DMD: variants seen among roughly 807,000 people sequenced by gnomAD.
DMD encodes dystrophin.
In DMD, 63 loss-of-function variants were observed where a neutral mutation model predicts 330.1. The observed-to-expected ratio is 0.19, with a 90% CI of 0.16 to 0.24. The LOEUF is 0.24. Ranked by LOEUF, DMD falls within the 10% of genes least tolerant of loss-of-function variation. The pLI is 1.00. For synonymous variants in DMD, 1,223 were observed against 959.8 expected (o/e 1.27, Z -5.07); for missense variants, 3,344 against 2,684.1 (o/e 1.25, Z -5.43).
intron 44 of DMD, among the ~76,000 whole-genome samples, chrX:32,164,041 G>A (rs1005593946): frequency 2.7e-5 from 3 of 111,311 alleles, no homozygotes; most frequent in African/African-American, 9.8e-5. Flanking sequence ...CTGTTCAAAT[G>A]TCACCTCATA....
intron 12 of DMD, among the ~76,000 whole-genome samples, chrX:32,603,204 A>G: frequency 9.0e-6 from 1 of 111,642 alleles, no homozygotes; most frequent in East Asian, 2.8e-4. Flanking sequence ...AGAAATGAGT[A>G]CCAAGAAGAC....
At chrX:31,746,599 T>C (rs1217431536) in intron 51 of DMD, among the ~76,000 whole-genome samples, 1 of 111,669 alleles carries the variant, frequency 9.0e-6, no homozygotes, top group African/African-American at 3.2e-5. Context: ...TTAAGACATA[T>C]GTTATATAGA....
chrX:32,650,393 G>A (rs988074351), intron 9 of DMD, among the ~76,000 whole-genome samples: 1 of 111,367 alleles, frequency 9.0e-6, no homozygotes, highest in Non-Finnish European at 1.9e-5. Context: ...GTCAATGCAT[G>A]GATGGTGAAT....
intron 11 of DMD, among the ~76,000 whole-genome samples, chrX:32,623,205 G>A (rs940448809): frequency 8.9e-6 from 1 of 111,798 alleles, no homozygotes; most frequent in Non-Finnish European, 1.9e-5. Context: ...TGTGAAAAGA[G>A]CATCAGTAAA....
chrX:31,180,695 CAT>C (rs1165352891), intron 68 of DMD, among the ~76,000 whole-genome samples: 1 of 111,481 alleles, frequency 9.0e-6, no homozygotes, highest in East Asian at 2.8e-4. Context: ...ATCCTATAAA[CAT>C]ATGGAAGGAG....
intron 4 of DMD, among the ~76,000 whole-genome samples, chrX:32,829,609 ATT>A (rs2148888860): frequency 9.0e-6 from 1 of 111,032 alleles, no homozygotes; most frequent in African/African-American, 3.3e-5. Flanking sequence ...TACAATTTTT[ATT>A]TTTGTTTCTA....
At chrX:31,814,971 G>A (rs943912151) in intron 50 of DMD, among the ~76,000 whole-genome samples, 3 of 112,088 alleles carry the variant, frequency 2.7e-5, no homozygotes, top group African/African-American at 9.7e-5. Context: ...GGGGAGATGG[G>A]GAGTAGAGGT....
chrX:33,010,204 G>T (rs1420726428), intron 2 of DMD, among the ~76,000 whole-genome samples: 1 of 89,725 alleles, frequency 1.1e-5, no homozygotes, highest in African/African-American at 5.1e-5. Flanking sequence ...ATATGCATAT[G>T]TGTGTGTATA....
chrX:33,183,028 T>C (rs893527026), intron 1 of DMD, among the ~76,000 whole-genome samples: 2 of 112,128 alleles, frequency 1.8e-5, no homozygotes, highest in South Asian at 3.7e-4. Flanking sequence ...AATATGGAGA[T>C]GATTTTTTAT....
chrX:32,097,554 G>A (rs909125129), intron 44 of DMD, among the ~76,000 whole-genome samples: 2 of 111,293 alleles, frequency 1.8e-5, no homozygotes, highest in Non-Finnish European at 3.8e-5. Flanking sequence ...TTATCCTAAG[G>A]AAAAGTATAC....
intron 13 of DMD, among the ~76,000 whole-genome samples, chrX:32,582,923 T>C (rs770673130): frequency 9.0e-6 from 1 of 111,530 alleles, no homozygotes; most frequent in South Asian, 3.9e-4. Context: ...TTGTTAATGA[T>C]AGCACGCCTA....
chrX:33,104,607 ACT>A (rs1489329036), intron 1 of DMD, among the ~76,000 whole-genome samples: 2 of 107,279 alleles, frequency 1.9e-5, no homozygotes, highest in African/African-American at 6.9e-5. Flanking sequence ...CCCTTCGCTG[ACT>A]CTCTTTTCGG....
At chrX:31,567,041 T>G (rs1238141610) in intron 55 of DMD, among the ~76,000 whole-genome samples, 1 of 111,586 alleles carries the variant, frequency 9.0e-6, no homozygotes. Context: ...GGTGTGTTGA[T>G]CTTGTATTTT....
intron 2 of DMD, among the ~76,000 whole-genome samples, chrX:32,931,578 C>A (rs1414897755): frequency 9.0e-6 from 1 of 111,149 alleles, no homozygotes; most frequent in Admixed American, 9.6e-5. Flanking sequence ...TTCAAACAAA[C>A]GTATAAGCAT....
intron 60 of DMD, among the ~76,000 whole-genome samples, chrX:31,364,381 T>G (rs1449178619): frequency 1.8e-5 from 2 of 111,708 alleles, no homozygotes; most frequent in Non-Finnish European, 1.9e-5. Flanking sequence ...AGCTCTCTCT[T>G]TTCTGCAGGG....
intron 2 of DMD, among the ~76,000 whole-genome samples, chrX:32,954,745 A>G (rs761014622): frequency 8.1e-5 from 9 of 110,451 alleles, no homozygotes; most frequent in African/African-American, 3.0e-4. Flanking sequence ...CTAAGTGTCC[A>G]TGTGTTTTCA....
chrX:32,423,227 C>CT (rs61191281), intron 29 of DMD, among the ~76,000 whole-genome samples: 3,667 of 92,346 alleles, frequency 0.04, 185 homozygotes, highest in African/African-American at 0.13. Flanking sequence ...CTTTATTATT[C>CT]TTTTTTTTTT....
chrX:33,017,710 T>C (rs2093830683), intron 2 of DMD, among the ~76,000 whole-genome samples: 1 of 111,423 alleles, frequency 9.0e-6, no homozygotes, highest in African/African-American at 3.3e-5. Flanking sequence ...GCTTTCTTCA[T>C]AAAGGTTACC....
intron 44 of DMD, among the ~76,000 whole-genome samples, chrX:32,135,555 TA>T (rs1172208052): frequency 2.7e-5 from 3 of 109,672 alleles, no homozygotes; most frequent in Non-Finnish European, 3.8e-5. Context: ...ACACCATCTC[TA>T]AAAAAAAATA....
Sources: gnomAD v4.1 joint callset for allele counts (sites outside exome capture counted in the v4.1 genomes callset) on GRCh38, gnomAD v4.1.1 for gene constraint, MANE v1.5 for transcripts, NCBI Gene and HGNC (gene_info 2026-07-23, HGNC 2026-07-21) for gene names.